Variants in ITSN2 observed in about 807,000 individuals in gnomAD.
ITSN2 encodes the protein intersectin 2.
In ITSN2, 156 loss-of-function variants were observed where a neutral mutation model predicts 243.7. The ratio of observed to expected loss-of-function variants is 0.64; its 90% confidence interval spans 0.56 to 0.73. The LOEUF (loss-of-function observed/expected upper bound fraction) is 0.73, where lower values mean the gene tolerates loss of function less well. ITSN2 is among the 30% of genes least tolerant of loss of function. The probability of loss-of-function intolerance (pLI) is 0.00; values close to 1 mark genes in which losing one functional copy is unlikely to be tolerated. For missense variants in ITSN2, 1,801 were observed against 1,996.1 expected (o/e 0.90, Z 1.86); for synonymous variants, 703 against 699.9 (o/e 1.00, Z -0.07).
chr2:24,204,486 C>A lies in ITSN2; in HGVS notation c.4763-68G>T, dbSNP rs1461533345. 1 of 1,406,348 alleles carries A rather than the reference C, an allele frequency of 7.1e-7. No homozygotes were observed. Among genetic ancestry groups the A allele is most frequent in the African/African-American group, 1.4e-5 (1 of 70,782 alleles). The allele number at this position is 1,406,348 out of a possible 1,614,324, so 87.1% of individuals were successfully genotyped here. On this transcript the variant is annotated intron_variant, in intron 38 of 39. Transcript: ENST00000355123. The surrounding 1 kb of genome is among the most constrained non-coding windows in gnomAD (Gnocchi z 5.1). The stretch of plus-strand genomic sequence containing the variant: ...AAAACGAAGCGACTGACAGTGCCCT[C>A]CCTGAGCAGAAGCAGGATTCCAATA...
intron 2 of ITSN2, chr2:24,326,629 A>C (rs565644425): frequency 5.9e-6 from 1 of 169,156 alleles, no homozygotes; most frequent in African/African-American, 2.4e-5. Flanking sequence ...TTATAATCCC[A>C]CACCATTTTC....
intron 29 of ITSN2, among the ~76,000 whole-genome samples, chr2:24,223,204 C>G (rs1167843756): frequency 1.3e-5 from 2 of 152,196 alleles, no homozygotes; most frequent in Admixed American, 6.5e-5. Context: ...CACTGTCCAT[C>G]CAGCAGGGCG....
rs532877342 is a variant in ITSN2 at position 24,295,815 on chromosome 2, A to T, written c.1495-11T>A. 9 of 1,504,082 alleles carry T rather than the reference A, an allele frequency of 6.0e-6. No individual in the cohort carries two copies. The South Asian group carries it at 9.6e-5, about 16-fold the overall frequency. The allele number at this position is 1,504,082 out of a possible 1,614,324, so 93.2% of individuals were successfully genotyped here. On this transcript the variant is annotated splice_polypyrimidine_tract_variant and intron_variant, in intron 13 of 39. Transcript: ENST00000355123. The stretch of plus-strand genomic sequence containing the variant: ...CTGATGTTTGCCATTCTATAGGAAG[A>T]TCATATAAATATATAGTAACATAAA...
chr2:24,341,432 G>A (rs955017206), intron 1 of ITSN2, among the ~76,000 whole-genome samples: 6 of 152,108 alleles, frequency 3.9e-5, no homozygotes, highest in African/African-American at 1.2e-4. Flanking sequence ...ACGAGAAATC[G>A]GGATACAGAG....
chr2:24,297,005 T>C (rs1044278947), intron 13 of ITSN2, among the ~76,000 whole-genome samples: 2 of 152,112 alleles, frequency 1.3e-5, no homozygotes, highest in African/African-American at 4.8e-5. Flanking sequence ...ACAATCAATC[T>C]TAAGGTCTCT....
At chr2:24,257,569 G>C (rs932900092) in intron 23 of ITSN2, among the ~76,000 whole-genome samples, 3 of 151,446 alleles carry the variant, frequency 2.0e-5, no homozygotes, top group African/African-American at 7.3e-5. Flanking sequence ...AGATTCTCCT[G>C]CCTTAGCCTC....
At chr2:24,315,414 C>G (rs955983224) in intron 2 of ITSN2, among the ~76,000 whole-genome samples, 190 bp from the exon 3 acceptor site, 1 of 152,178 alleles carries the variant, frequency 6.6e-6, no homozygotes, top group African/African-American at 2.4e-5. Flanking sequence ...GCTCAATTAA[C>G]GTCTATTGAA....
chr2:24,276,049 T>C (rs1677974777), intron 17 of ITSN2, among the ~76,000 whole-genome samples, 200 bp from the exon 18 acceptor site: 1 of 152,164 alleles, frequency 6.6e-6, no homozygotes, highest in South Asian at 2.1e-4. Flanking sequence ...GATAAACACA[T>C]TAAAATAATC....
intron 1 of ITSN2, among the ~76,000 whole-genome samples, chr2:24,347,431 A>T (rs1687640798): frequency 6.6e-6 from 1 of 152,212 alleles, no homozygotes; most frequent in African/African-American, 2.4e-5. Flanking sequence ...TCACGCCCGT[A>T]ATCCCAGCCC....
chr2:24,336,780 T>C (rs1686428924), intron 1 of ITSN2, among the ~76,000 whole-genome samples: 2 of 152,228 alleles, frequency 1.3e-5, no homozygotes, highest in Admixed American at 6.5e-5. Context: ...CTGTTTCACA[T>C]GTCCTGGGGA....
At chr2:24,326,175 T>C (rs1685138829) in intron 2 of ITSN2, among the ~76,000 whole-genome samples, 1 of 152,210 alleles carries the variant, frequency 6.6e-6, no homozygotes, top group Non-Finnish European at 1.5e-5. Context: ...ACATATGCAA[T>C]TAATTCTTCA....
At position 24,340,456 on chromosome 2, in the gene ITSN2, G is replaced by C. The variant is rs144508973; in HGVS notation, c.-33-12341C>G. Among the ~76,000 whole-genome samples the C allele has an allele frequency of 7.4e-4, 113 of 151,958 alleles. 2 individuals are homozygous for C. Among genetic ancestry groups the C allele is most frequent in the Admixed American group, 3.7e-3 (56 of 15,248 alleles). On this transcript the variant is annotated intron_variant, in intron 1 of 39. Coordinates refer to ENST00000355123, the MANE Select transcript of ITSN2 (RefSeq NM_006277.3). Reference sequence around the variant, plus strand: ...AGATCACGTCACTGCACTCCAGCCTGGGTGACAGAACGAAACTCCATCTCA... The same window carrying C: ...AGATCACGTCACTGCACTCCAGCCTCGGTGACAGAACGAAACTCCATCTCA...
At chr2:24,265,070 T>C (rs1013768409) in intron 20 of ITSN2, among the ~76,000 whole-genome samples, 2 of 152,208 alleles carry the variant, frequency 1.3e-5, no homozygotes, top group Admixed American at 6.5e-5. Flanking sequence ...GGGTTACAGA[T>C]GTGGATCACA....
rs111908475 is a variant in ITSN2 at position 24,207,394 on chromosome 2, T to G, written c.4678+843A>C. Among the ~76,000 whole-genome samples the G allele has an allele frequency of 2.3e-3, 343 of 152,166 alleles. 2 individuals are homozygous for G. Among genetic ancestry groups the G allele is most frequent in the African/African-American group, 8.2e-3 (340 of 41,512 alleles). ...CACAGAGGGTCCCAGGAGGAGCTGCTGCTGGAAGGAGGCTGGTGGTCCCTT... is the reference window on the plus strand; with the variant it reads ...CACAGAGGGTCCCAGGAGGAGCTGCGGCTGGAAGGAGGCTGGTGGTCCCTT... On this transcript the variant is annotated intron_variant, in intron 37 of 39. Transcript: ENST00000355123.
At chr2:24,237,900 TAGAG>T (rs1473218092) in intron 29 of ITSN2, among the ~76,000 whole-genome samples, 2 of 152,210 alleles carry the variant, frequency 1.3e-5, no homozygotes, top group Non-Finnish European at 2.9e-5. Context: ...ACAGCTGAGC[TAGAG>T]AATTTCTGAC....
At chr2:24,346,860 C>CTTT (rs10534968) in intron 1 of ITSN2, among the ~76,000 whole-genome samples, 2 of 86,310 alleles carry the variant, frequency 2.3e-5, no homozygotes, top group Non-Finnish European at 4.4e-5. Flanking sequence ...GGAAATTTAT[C>CTTT]TTTTTTTTTT....
At chr2:24,246,775 A>G (rs776893487) in intron 28 of ITSN2, 22 bp downstream of exon 28, 1 of 1,424,624 alleles carries the variant, frequency 7.0e-7, no homozygotes, top group Non-Finnish European at 9.8e-7. Flanking sequence ...AAAATGAAAT[A>G]CAAATTAACC....
chr2:24,241,006 G>A (rs547649661), intron 29 of ITSN2: 6 of 152,250 alleles, frequency 3.9e-5, no homozygotes, highest in South Asian at 2.1e-4. Context: ...AGGTATTAGA[G>A]AAGTCTGATG....
chr2:24,217,883 T>C, intron 31 of ITSN2, 24 bp downstream of exon 31: 1 of 1,539,248 alleles, frequency 6.5e-7, no homozygotes, highest in Non-Finnish European at 9.0e-7. Context: ...TCAGCGGCAA[T>C]GACAGGTGAT....
Sources: gnomAD v4.1 joint callset for allele counts (sites outside exome capture counted in the v4.1 genomes callset) on GRCh38, gnomAD v4.1.1 for gene constraint, Gnocchi (gnomAD v3.1) non-coding constraint, MANE v1.5 for transcripts, NCBI Gene and HGNC (gene_info 2026-07-23, HGNC 2026-07-21) for gene names.